CYP39A1: variants seen among roughly 807,000 people sequenced by gnomAD.
The protein encoded by CYP39A1 is 24-hydroxycholesterol 7-alpha-hydroxylase.
In CYP39A1, 49 loss-of-function variants were observed where a neutral mutation model predicts 58.1. The ratio of observed to expected loss-of-function variants is 0.84; its 90% CI spans 0.67 to 1.07. CYP39A1 has a LOEUF of 1.07. CYP39A1 is among the 50% of genes least tolerant of loss of function. The pLI is 0.00. For missense variants in CYP39A1, 531 were observed against 539.4 expected, an observed-to-expected ratio of 0.98 and a Z score of 0.16; for synonymous variants, 209 against 187.6, an observed-to-expected ratio of 1.11 and a Z score of -0.93.
intron 6 of CYP39A1, among the ~76,000 whole-genome samples, chr6:46,627,219 G>C (rs1775366678): frequency 6.6e-6 from 1 of 152,100 alleles, no homozygotes; most frequent in Non-Finnish European, 1.5e-5. Context: ...TTTACATGTG[G>C]GGATTACAAT....
At chr6:46,550,559 A>G in intron 11 of CYP39A1, 122 bp from the exon 12 acceptor site, 1 of 723,624 alleles carries the variant, frequency 1.4e-6, no homozygotes, top group Non-Finnish European at 2.2e-6. Flanking sequence ...TCAAGTTGGG[A>G]AATGTTTGCA....
intron 1 of CYP39A1, among the ~76,000 whole-genome samples, chr6:46,651,586 A>G (rs1187319860): frequency 1.3e-5 from 2 of 152,116 alleles, no homozygotes; most frequent in Non-Finnish European, 2.9e-5. Flanking sequence ...TTAATTTTCT[A>G]TATGTTTTTT....
chr6:46,596,305 TAA>T (rs1235406618), intron 7 of CYP39A1, among the ~76,000 whole-genome samples, 185 bp from the exon 8 acceptor site: 2 of 152,052 alleles, frequency 1.3e-5, no homozygotes, highest in Non-Finnish European at 2.9e-5. Flanking sequence ...CTTGACAAGG[TAA>T]AATGTATGAC....
In CYP39A1 at chr6:46,631,053, C is replaced by T. The variant is rs746763185; in HGVS notation, c.750G>A (p.Thr250=). ...TTGTTTCCGTCTCTACAATATCCAG[C>T]GTAGCTTGCAATAATGTCTGTTTAA... ...KDNSMTLLQA[T]LDIVETETSK... is the part of the protein sequence containing the mutation. Residue 250 remains threonine, a synonymous_variant, in exon 6 of 12, where the codon ACG becomes ACA. Transcript: ENST00000275016. The T allele has an allele frequency of 6.2e-6, 10 of 1,613,482 alleles. No homozygotes were observed. The highest frequency in any genetic ancestry group is 1.1e-5 in the South Asian group (1 of 91,018).
At chr6:46,600,591 G>C (rs984942225) in intron 7 of CYP39A1, among the ~76,000 whole-genome samples, 3 of 152,094 alleles carry the variant, frequency 2.0e-5, no homozygotes, top group Non-Finnish European at 4.4e-5. Context: ...CACCAATGGA[G>C]AATGAATTAA....
intron 11 of CYP39A1, among the ~76,000 whole-genome samples, chr6:46,553,073 CA>C (rs34991519): frequency 0.22 from 17,969 of 81,406 alleles, 1,518 homozygotes; most frequent in African/African-American, 0.34. Flanking sequence ...ACCCCCCAAC[CA>C]AAAAAAAAAA....
chr6:46,553,657 C>G, intron 11 of CYP39A1, 110 bp downstream of exon 11: 1 of 734,968 alleles, frequency 1.4e-6, no homozygotes, highest in Non-Finnish European at 2.4e-6. Context: ...AAGATCAGGC[C>G]TAAGTGAGGA....
chr6:46,558,402 C>G (rs112096178), intron 10 of CYP39A1, among the ~76,000 whole-genome samples: 30,395 of 151,936 alleles, frequency 0.2, 3,156 homozygotes, highest in African/African-American at 0.21. Context: ...AGAAAGCGAG[C>G]AAAGGGGGAA....
chr6:46,573,850 G>T (rs1473143352), intron 10 of CYP39A1, among the ~76,000 whole-genome samples: 2 of 152,062 alleles, frequency 1.3e-5, no homozygotes, highest in Non-Finnish European at 2.9e-5. Context: ...AAAAGCACAG[G>T]TTATTTAGAA....
rs573177667 is a variant in CYP39A1, at chr6:46,589,941, G to A, written c.1066-1812C>T. Among the ~76,000 whole-genome samples the A allele has an allele frequency of 2.0e-5, 3 of 152,226 alleles. No homozygotes were observed. The South Asian group carries it at 6.2e-4, about 32-fold the overall frequency. On this transcript the variant is annotated intron_variant, in intron 8 of 11. Transcript: ENST00000275016. ...CTATAAAGCAGGTTAGCAAAGGGAG[G>A]AGAACTTCATACAGGTCCTCAGTAA...
intron 11 of CYP39A1, among the ~76,000 whole-genome samples, chr6:46,550,935 G>A (rs1770362381): frequency 6.6e-6 from 1 of 152,086 alleles, no homozygotes; most frequent in South Asian, 2.1e-4. Flanking sequence ...CCCCCATAAA[G>A]ATACTTTGTA....
At chr6:46,583,465 C>G (rs992937504) in intron 10 of CYP39A1, 45 of 985,230 alleles carry the variant, frequency 4.6e-5, no homozygotes, top group Admixed American at 1.8e-4. Context: ...TCTTATTCCT[C>G]CATTTAAATC....
intron 10 of CYP39A1, chr6:46,586,359 T>A (rs1293714505): frequency 1.0e-6 from 1 of 984,462 alleles, no homozygotes; most frequent in African/African-American, 1.7e-5. Context: ...TACAGAATCA[T>A]CCCCAATGAA....
At chr6:46,598,726 T>C (rs1773318296) in intron 7 of CYP39A1, among the ~76,000 whole-genome samples, 2 of 152,170 alleles carry the variant, frequency 1.3e-5, no homozygotes, top group Admixed American at 6.5e-5. Context: ...ATTTAAGTTT[T>C]GGAGATCTTT....
chr6:46,606,638 C>T (rs1440773314), intron 7 of CYP39A1, among the ~76,000 whole-genome samples: 1 of 152,110 alleles, frequency 6.6e-6, no homozygotes, highest in Non-Finnish European at 1.5e-5. Context: ...ATCTGTTTAA[C>T]TCTTGGCATA....
At chr6:46,558,609 C>T (rs1471429455) in intron 10 of CYP39A1, among the ~76,000 whole-genome samples, 1 of 152,128 alleles carries the variant, frequency 6.6e-6, no homozygotes, top group Non-Finnish European at 1.5e-5. Context: ...TAATAATGCA[C>T]TAATTTTACC....
intron 8 of CYP39A1, among the ~76,000 whole-genome samples, chr6:46,589,603 G>A (rs987202867): frequency 2.0e-5 from 3 of 152,056 alleles, no homozygotes; most frequent in African/African-American, 7.2e-5. Flanking sequence ...TGGGAGAGCT[G>A]GAGAGACTCA....
At chr6:46,576,961 A>G (rs896769122) in intron 10 of CYP39A1, among the ~76,000 whole-genome samples, 3 of 152,144 alleles carry the variant, frequency 2.0e-5, no homozygotes, top group Non-Finnish European at 4.4e-5. Flanking sequence ...ACTTCACTAG[A>G]GAGGTTGACA....
At chr6:46,578,253 A>G (rs940095880) in intron 10 of CYP39A1, among the ~76,000 whole-genome samples, 1 of 152,136 alleles carries the variant, frequency 6.6e-6, no homozygotes, top group Non-Finnish European at 1.5e-5. Context: ...ATATACCAGA[A>G]TCTCTGAGAC....
Sources: allele counts gnomAD v4.1 joint callset (sites outside exome capture counted in the v4.1 genomes callset), GRCh38; gene constraint gnomAD v4.1.1; transcripts MANE v1.5; gene names NCBI Gene and HGNC (gene_info 2026-07-23, HGNC 2026-07-21).